Variants in DISC1 observed in about 807,000 individuals in gnomAD.
DISC1 encodes the protein disrupted in schizophrenia 1 protein.
In DISC1, 57 loss-of-function variants were observed where a neutral mutation model predicts 84.5. That is an observed-to-expected ratio of 0.67 (90% CI 0.55 to 0.84). DISC1 has a LOEUF of 0.84. DISC1 is among the 40% of genes least tolerant of loss of function. The pLI, the probability that DISC1 is intolerant of heterozygous loss-of-function variation, is 0.00. For synonymous variants in DISC1, 411 were observed against 415.2 expected, an observed-to-expected ratio of 0.99 and a Z score of 0.12; for missense variants, 1,000 against 1,057.8, an observed-to-expected ratio of 0.95 and a Z score of 0.76.
chr1:231,669,476 A>C (rs1041475209), intron 1 of DISC1, among the ~76,000 whole-genome samples: 3 of 152,174 alleles, frequency 2.0e-5, no homozygotes, highest in Non-Finnish European at 4.4e-5. Context: ...AACTGCATCC[A>C]ACGAAGGTCT....
chr1:231,975,836 TGA>T (rs1362190842), intron 10 of DISC1, among the ~76,000 whole-genome samples: 2 of 151,238 alleles, frequency 1.3e-5, no homozygotes, highest in Non-Finnish European at 2.9e-5. Flanking sequence ...GGTGAGAGAG[TGA>T]GAGGGGGTGG....
At chr1:231,807,572 A>G (rs1174313851) in intron 8 of DISC1, among the ~76,000 whole-genome samples, 1 of 152,210 alleles carries the variant, frequency 6.6e-6, no homozygotes, top group Admixed American at 6.5e-5. Context: ...TCACTTGTTA[A>G]GATTTTCATC....
rs373970621 is a variant in DISC1 at position 231,746,053 on chromosome 1, G to T, written c.1118-3873G>T. ...CCTGAGGCCCTCACTGGAAGCAGAT[G>T]CCGGCACTAAGCTTCTTGTAAAGTC... On this transcript the variant is annotated intron_variant, in intron 3 of 12. Coordinates refer to ENST00000439617, the MANE Select transcript of DISC1 (RefSeq NM_018662.3). Among the ~76,000 whole-genome samples, 100 of 152,308 alleles carry T rather than the reference G, an allele frequency of 6.6e-4. 1 individual carries two copies. Among genetic ancestry groups the T allele is most frequent in the African/African-American group, 2.3e-3 (97 of 41,566 alleles).
At chr1:231,958,926 A>T in intron 10 of DISC1, 38 bp downstream of exon 10, 1 of 1,580,580 alleles carries the variant, frequency 6.3e-7, no homozygotes, top group Non-Finnish European at 8.6e-7. Flanking sequence ...ACTCCGTAGC[A>T]CATCTAGATT....
rs1172467491 is a variant in DISC1 at position 231,901,350 on chromosome 1, T to C, written c.1982-57478T>C. 2.0e-5 allele frequency among the ~76,000 whole-genome samples: 3 copies of C among 152,242 alleles called. No homozygotes were observed. In the East Asian group the frequency reaches 5.8e-4, roughly 29 times the overall value. On this transcript the variant is annotated intron_variant, in intron 9 of 12. Coordinates refer to ENST00000439617, the MANE Select transcript of DISC1 (RefSeq NM_018662.3). ...GAGTAAATTTAATTTTAGAACATTC[T>C]AATTTCACCAATTTTGCTTGTCCAT...
At chr1:231,898,474 A>G (rs1239199885) in intron 9 of DISC1, among the ~76,000 whole-genome samples, 2 of 152,224 alleles carry the variant, frequency 1.3e-5, no homozygotes, top group African/African-American at 4.8e-5. Flanking sequence ...ATTTTCTTTA[A>G]TTGAACTTGA....
intron 3 of DISC1, among the ~76,000 whole-genome samples, chr1:231,739,120 T>C (rs943973972): frequency 3.3e-5 from 5 of 152,214 alleles, no homozygotes; most frequent in African/African-American, 1.2e-4. Flanking sequence ...TAGGTAAATA[T>C]AGAAAATGTG....
intron 6 of DISC1, among the ~76,000 whole-genome samples, chr1:231,785,603 T>A (rs1250602250): frequency 6.6e-6 from 1 of 152,086 alleles, no homozygotes; most frequent in Admixed American, 6.6e-5. Context: ...TGTGTGAGTG[T>A]GTTTTCATTA....
At chr1:231,704,304 T>C (rs2066756690) in intron 3 of DISC1, among the ~76,000 whole-genome samples, 1 of 152,162 alleles carries the variant, frequency 6.6e-6, no homozygotes, top group Admixed American at 6.5e-5. Flanking sequence ...TCTCAGCTCA[T>C]CTGCAGTGCC....
intron 3 of DISC1, among the ~76,000 whole-genome samples, chr1:231,718,212 T>C (rs1193120019): frequency 1.3e-5 from 2 of 152,192 alleles, no homozygotes; most frequent in African/African-American, 4.8e-5. Context: ...CATCCTTCGA[T>C]CATCCTTCAA....
intron 1 of DISC1, among the ~76,000 whole-genome samples, chr1:231,647,617 G>A (rs937288799): frequency 2.0e-5 from 3 of 152,158 alleles, no homozygotes; most frequent in African/African-American, 7.2e-5. Flanking sequence ...TAGCTTGATG[G>A]GGATGGCATT....
intron 9 of DISC1, among the ~76,000 whole-genome samples, chr1:231,912,819 GCTTC>G (rs1221369733): frequency 7.2e-6 from 1 of 138,026 alleles, no homozygotes; most frequent in African/African-American, 2.7e-5. Context: ...TTCTTTCCTT[GCTTC>G]CTTCCTTTCT....
At chr1:231,956,438 T>C (rs575283775) in intron 9 of DISC1, among the ~76,000 whole-genome samples, 67 of 152,252 alleles carry the variant, frequency 4.4e-4, no homozygotes, top group African/African-American at 1.6e-3. Context: ...CACATCTCCA[T>C]CATCTTTTCC....
In DISC1 at chr1:232,009,478, T is replaced by C. The variant is rs1667841042; in HGVS notation, c.2307+429T>C. The C allele has an allele frequency of 1.6e-6, 1 of 621,358 alleles. No homozygotes were observed. Among genetic ancestry groups the C allele is most frequent in the Non-Finnish European group, 2.0e-6 (1 of 498,780 alleles). The allele number at this position is 621,358 out of a possible 1,614,324, so 38.5% of individuals were successfully genotyped here. ...GATGTTTATATATTTAGAATCTATATATTACAATATATTATTATTTATTTG... is the reference window on the plus strand; with the variant it reads ...GATGTTTATATATTTAGAATCTATACATTACAATATATTATTATTTATTTG... On this transcript the variant is annotated intron_variant, in intron 11 of 12. Coordinates refer to ENST00000439617, the MANE Select transcript of DISC1 (RefSeq NM_018662.3). The surrounding 1 kb of genome is among the most constrained non-coding windows in gnomAD (Gnocchi z 4.6).
chr1:231,927,161 G>T (rs922529861), intron 9 of DISC1, among the ~76,000 whole-genome samples: 1 of 152,194 alleles, frequency 6.6e-6, no homozygotes, highest in Admixed American at 6.5e-5. Flanking sequence ...AGTCACAGAG[G>T]ATGGAGAGGC....
At chr1:231,840,652 T>G (rs2082971588) in intron 9 of DISC1, among the ~76,000 whole-genome samples, 1 of 152,000 alleles carries the variant, frequency 6.6e-6, no homozygotes, top group Admixed American at 6.6e-5. Flanking sequence ...AGGGTCTGAT[T>G]AGAAATTAAC....
intron 11 of DISC1, among the ~76,000 whole-genome samples, chr1:232,013,039 G>C (rs187712792): frequency 1.3e-5 from 2 of 152,286 alleles, no homozygotes; most frequent in Non-Finnish European, 2.9e-5. Context: ...AAATTGAATG[G>C]GGGCCAGACA....
chr1:231,890,681 AC>A (rs1341238286), intron 9 of DISC1, among the ~76,000 whole-genome samples: 1 of 152,226 alleles, frequency 6.6e-6, no homozygotes, highest in Non-Finnish European at 1.5e-5. Context: ...GTGTGGGTAT[AC>A]TTGATTCCAA....
At chr1:231,935,098 A>G (rs1331645455) in intron 9 of DISC1, among the ~76,000 whole-genome samples, 1 of 152,222 alleles carries the variant, frequency 6.6e-6, no homozygotes, top group East Asian at 1.9e-4. Flanking sequence ...ATCTTAATAC[A>G]GCAGGATGAT....
Sources: gnomAD v4.1 joint callset for allele counts (sites outside exome capture counted in the v4.1 genomes callset) on GRCh38, gnomAD v4.1.1 for gene constraint, Gnocchi (gnomAD v3.1) non-coding constraint, MANE v1.5 for transcripts, NCBI Gene and HGNC (gene_info 2026-07-23, HGNC 2026-07-21) for gene names.